The following ZFYVE1 variants were observed in gnomAD, a reference collection of about 807,000 sequenced individuals.
The protein encoded by ZFYVE1 is zinc finger FYVE-type containing 1.
In ZFYVE1, 30 loss-of-function variants were observed where a neutral mutation model predicts 74.4. That is an observed-to-expected ratio of 0.40 (90% CI 0.30 to 0.55). The LOEUF is 0.55. Ranked by LOEUF, ZFYVE1 falls within the 20% of genes least tolerant of loss-of-function variation. The probability of loss-of-function intolerance (pLI) is 0.42; values close to 1 mark genes in which losing one functional copy is unlikely to be tolerated. For missense variants in ZFYVE1, 703 were observed against 1,011.6 expected, an observed-to-expected ratio of 0.69 and a Z score of 4.14; for synonymous variants, 335 against 385.1, an observed-to-expected ratio of 0.87 and a Z score of 1.52.
chr14:72,980,957 G>A (rs1395955459), intron 5 of ZFYVE1, among the ~76,000 whole-genome samples: 4 of 152,122 alleles, frequency 2.6e-5, no homozygotes, highest in Non-Finnish European at 5.9e-5. Context: ...TGCCCTTCAG[G>A]TTTTTCTGAT....
chr14:73,013,208 T>C (rs544096842), intron 2 of ZFYVE1, among the ~76,000 whole-genome samples: 11 of 152,298 alleles, frequency 7.2e-5, no homozygotes, highest in Non-Finnish European at 1.5e-4. Flanking sequence ...GCTACTTATG[T>C]ATGGCTGGAA....
intron 11 of ZFYVE1, among the ~76,000 whole-genome samples, chr14:72,973,599 A>G (rs1893091556): frequency 6.6e-6 from 1 of 152,188 alleles, no homozygotes; most frequent in Non-Finnish European, 1.5e-5. Flanking sequence ...AGTGCCAAAG[A>G]AACCACTGAA....
chr14:72,980,856 G>A (rs61986493), intron 5 of ZFYVE1, among the ~76,000 whole-genome samples: 19,604 of 152,096 alleles, frequency 0.13, 1,562 homozygotes, highest in East Asian at 0.2. Flanking sequence ...GTGCCCGGCC[G>A]AGAATTTATT....
intron 4 of ZFYVE1, among the ~76,000 whole-genome samples, chr14:72,989,370 A>G (rs146583203): frequency 1.6e-4 from 25 of 152,330 alleles, no homozygotes; most frequent in African/African-American, 5.8e-4. Context: ...ATTATAACAT[A>G]TATTTATGCA....
At chr14:72,993,058 C>G in intron 4 of ZFYVE1, 85 bp downstream of exon 4, 1 of 1,347,548 alleles carries the variant, frequency 7.4e-7, no homozygotes, top group Non-Finnish European at 1.0e-6. Context: ...TTCCAATCAC[C>G]AGCACCACAA....
chr14:73,014,466 CA>C (rs1230738072), intron 2 of ZFYVE1, among the ~76,000 whole-genome samples: 1 of 152,178 alleles, frequency 6.6e-6, no homozygotes, highest in Non-Finnish European at 1.5e-5. Flanking sequence ...GTGTTAAAGG[CA>C]ATGATGGAGG....
At chr14:73,003,502 T>C (rs1893917465) in intron 2 of ZFYVE1, among the ~76,000 whole-genome samples, 1 of 152,166 alleles carries the variant, frequency 6.6e-6, no homozygotes, top group Non-Finnish European at 1.5e-5. Flanking sequence ...GCTTGAGCCC[T>C]GGAATTCAAG....
intron 4 of ZFYVE1, among the ~76,000 whole-genome samples, chr14:72,987,438 G>A (rs1437718824): frequency 6.6e-6 from 1 of 152,142 alleles, no homozygotes; most frequent in Non-Finnish European, 1.5e-5. Context: ...GTGGTGGCGT[G>A]TGCCTGTTAG....
intron 11 of ZFYVE1, among the ~76,000 whole-genome samples, chr14:72,972,246 G>A (rs1218076791): frequency 1.3e-5 from 2 of 152,068 alleles, no homozygotes; most frequent in Non-Finnish European, 2.9e-5. Context: ...CCTCTCAGGG[G>A]CTTACTCATC....
chr14:72,982,754 A>G (rs912630946), intron 4 of ZFYVE1, among the ~76,000 whole-genome samples: 1 of 152,258 alleles, frequency 6.6e-6, no homozygotes, highest in South Asian at 2.1e-4. Flanking sequence ...CAAAAGGACA[A>G]TATGTTACTT....
intron 4 of ZFYVE1, among the ~76,000 whole-genome samples, chr14:72,991,348 C>A (rs368117759): frequency 8.1e-4 from 123 of 152,138 alleles, no homozygotes; most frequent in African/African-American, 7.0e-4. Context: ...CGCTACCACA[C>A]CCGGCTAATT....
chr14:72,977,316 G>C (rs1893200157), intron 8 of ZFYVE1, among the ~76,000 whole-genome samples: 1 of 151,986 alleles, frequency 6.6e-6, no homozygotes, highest in African/African-American at 2.4e-5. Flanking sequence ...TGAGGCAGGA[G>C]AATCACTTGA....
intron 2 of ZFYVE1, 75 bp downstream of exon 2, chr14:73,023,951 T>C (rs1395372149): frequency 5.8e-6 from 9 of 1,540,360 alleles, no homozygotes; most frequent in African/African-American, 1.4e-5. Flanking sequence ...TTCTTGGACA[T>C]CGTTTTTTGA....
chr14:72,973,286 C>T (rs779703252), intron 11 of ZFYVE1, among the ~76,000 whole-genome samples: 1 of 151,778 alleles, frequency 6.6e-6, no homozygotes, highest in Non-Finnish European at 1.5e-5. Context: ...CTCAGGAGTT[C>T]GGGACCAGCC....
At chr14:72,974,749 C>A in intron 10 of ZFYVE1, 30 bp downstream of exon 10, 1 of 1,575,480 alleles carries the variant, frequency 6.3e-7, no homozygotes, top group South Asian at 1.1e-5. Context: ...TTCTCCCCTC[C>A]ACCCCTGCAG....
chr14:72,983,196 C>CT (rs34016113), intron 4 of ZFYVE1, among the ~76,000 whole-genome samples: 348 of 145,582 alleles, frequency 2.4e-3, no homozygotes, highest in African/African-American at 5.7e-3. Context: ...CCAATGCAGT[C>CT]TTTTTTTTTT....
chr14:72,985,498 A>AT (rs558711759), intron 4 of ZFYVE1, among the ~76,000 whole-genome samples: 138 of 145,544 alleles, frequency 9.5e-4, no homozygotes, highest in Admixed American at 1.7e-3. Flanking sequence ...TGTATGGATA[A>AT]TTTTTTTTTT....
rs1156432392 is a variant in ZFYVE1, at chr14:72,983,348, TC to T, written c.1204-1454del. Among the ~76,000 whole-genome samples the T allele has an allele frequency of 6.0e-3, 363 of 60,284 alleles. 1 individual carries two copies. The highest frequency in any genetic ancestry group is 0.016 in the Middle Eastern group (2 of 122). The allele number at this position is 60,284 out of a possible 152,430, so 39.5% of individuals were successfully genotyped here. ...ATCTCCTAATGCTATCCTTCCCCCC[TC>T]CCCCCCACCCCACCACAGGCCTCGA... On this transcript the variant is annotated intron_variant, in intron 4 of 11. Coordinates refer to ENST00000556143, the MANE Select transcript of ZFYVE1 (RefSeq NM_021260.4).
At chr14:73,023,177 T>C (rs867965001) in intron 2 of ZFYVE1, among the ~76,000 whole-genome samples, 1 of 129,276 alleles carries the variant, frequency 7.7e-6, no homozygotes, top group Non-Finnish European at 1.6e-5. Flanking sequence ...TATATATATA[T>C]ATATATATAT....
Sources: allele counts gnomAD v4.1 joint callset (sites outside exome capture counted in the v4.1 genomes callset), GRCh38; gene constraint gnomAD v4.1.1; transcripts MANE v1.5; gene names NCBI Gene and HGNC (gene_info 2026-07-23, HGNC 2026-07-21).